GAB3: variants seen among roughly 807,000 people sequenced by gnomAD.
The protein encoded by GAB3 is GRB2-associated-binding protein 3.
GAB3 carries 12 observed loss-of-function variants against 40.4 expected under a neutral mutation model. That is an observed-to-expected ratio of 0.30 (90% CI 0.19 to 0.48). GAB3 has a LOEUF of 0.48. GAB3 is among the 20% of genes least tolerant of loss of function. GAB3 has a pLI of 0.99. For synonymous variants in GAB3, 154 were observed against 176.7 expected, an observed-to-expected ratio of 0.87 and a Z score of 1.02; for missense variants, 381 against 461.9, an observed-to-expected ratio of 0.82 and a Z score of 1.61.
chrX:154,692,221 G>C (rs2070582105), intron 8 of GAB3, among the ~76,000 whole-genome samples: 1 of 111,416 alleles, frequency 9.0e-6, no homozygotes, highest in African/African-American at 3.3e-5. Flanking sequence ...AGAATGAAAA[G>C]ACAACCCACA....
At chrX:154,741,624 C>T (rs1383687531) in intron 1 of GAB3, among the ~76,000 whole-genome samples, 2 of 98,927 alleles carry the variant, frequency 2.0e-5, no homozygotes, top group African/African-American at 3.8e-5. Flanking sequence ...TGCCGTGAGC[C>T]GAGGTCATGT....
chrX:154,706,037 A>G (rs181856012), intron 4 of GAB3, among the ~76,000 whole-genome samples: 40 of 112,042 alleles, frequency 3.6e-4, no homozygotes, highest in African/African-American at 1.3e-3. Context: ...AAGAGGTGAA[A>G]GACCTGTACA....
chrX:154,695,309 A>G (rs2070639722), intron 8 of GAB3, among the ~76,000 whole-genome samples: 2 of 112,138 alleles, frequency 1.8e-5, no homozygotes, highest in Non-Finnish European at 3.8e-5. Flanking sequence ...AATAGAAGGA[A>G]CAACAGGCTA....
intron 4 of GAB3, among the ~76,000 whole-genome samples, chrX:154,711,515 T>A (rs60001847): frequency 9.0e-6 from 1 of 111,322 alleles, no homozygotes; most frequent in Non-Finnish European, 1.9e-5. Context: ...AAGATGGAAC[T>A]GCAAGCAGAA....
chrX:154,696,334 G>T (rs2070658397), intron 7 of GAB3, among the ~76,000 whole-genome samples: 1 of 108,716 alleles, frequency 9.2e-6, no homozygotes, highest in Admixed American at 9.8e-5. Flanking sequence ...ACTCCTTTGG[G>T]GCCTTCTTGT....
intron 8 of GAB3, among the ~76,000 whole-genome samples, chrX:154,693,305 G>A (rs1377199115): frequency 9.0e-6 from 1 of 111,678 alleles, no homozygotes; most frequent in Admixed American, 9.5e-5. Context: ...GTAAAAGAAA[G>A]CATCTAACAG....
At chrX:154,724,342 T>TTAAATAAATAAA (rs782217148) in intron 1 of GAB3, among the ~76,000 whole-genome samples, 7 of 104,810 alleles carry the variant, frequency 6.7e-5, no homozygotes, top group South Asian at 4.3e-4. Flanking sequence ...AGACTTCATC[T>TTAAATAAATAAA]TAAATAAATA....
intron 1 of GAB3, among the ~76,000 whole-genome samples, chrX:154,731,005 G>C (rs182858039): frequency 8.9e-6 from 1 of 112,324 alleles, no homozygotes; most frequent in African/African-American, 3.2e-5. Flanking sequence ...GAAATGTTCA[G>C]CAAAGATAAG....
chrX:154,738,261 G>C lies in GAB3; in HGVS notation c.72+12693C>G, dbSNP rs1242387289. ...GCACGATGTCCAGATGAGCAATGAT[G>C]GTCCTGGAGGAGTTTATTTAGTTCT... On this transcript the variant is annotated intron_variant, in intron 1 of 9. Coordinates refer to ENST00000424127, the MANE Select transcript of GAB3 (RefSeq NM_001081573.3). Among the ~76,000 whole-genome samples, 3 of 112,267 alleles carry C rather than the reference G, an allele frequency of 2.7e-5. No individual in the cohort carries two copies. The Admixed American group carries it at 2.8e-4, about 11-fold the overall frequency.
At chrX:154,725,610 C>T (rs1390457946) in intron 1 of GAB3, among the ~76,000 whole-genome samples, 1 of 110,856 alleles carries the variant, frequency 9.0e-6, no homozygotes, top group African/African-American at 3.3e-5. Context: ...ACAGAGAACA[C>T]AGTTATGTAG....
upstream of GAB3, among the ~76,000 whole-genome samples, chrX:154,751,294 G>A (rs1444333454): frequency 5.6e-5 from 4 of 70,928 alleles, no homozygotes; most frequent in Admixed American, 1.8e-4. Context: ...CGGGGGGGGG[G>A]TGTGGGGGGG....
chrX:154,704,190 A>C lies in GAB3; in HGVS notation c.1070-4131T>G, dbSNP rs782264573. Among the ~76,000 whole-genome samples the C allele has an allele frequency of 2.7e-3, 300 of 109,794 alleles. 1 individual carries two copies. The highest frequency in any genetic ancestry group is 9.8e-3 in the African/African-American group (296 of 30,108). On this transcript the variant is annotated intron_variant, in intron 4 of 9. Transcript: ENST00000424127. Reference sequence around the variant, plus strand: ...TCCTCACTTATTTGTGGAATCTAAAAATCAAAACAATTGAACTTATGGGCA... The same window carrying C: ...TCCTCACTTATTTGTGGAATCTAAACATCAAAACAATTGAACTTATGGGCA...
At chrX:154,722,937 G>T (rs984929793) in intron 1 of GAB3, among the ~76,000 whole-genome samples, 4 of 111,356 alleles carry the variant, frequency 3.6e-5, no homozygotes, top group African/African-American at 1.3e-4. Context: ...GGAGGGCAGT[G>T]GTGTGATCTT....
At chrX:154,701,413 T>C (rs1422967796) in intron 4 of GAB3, among the ~76,000 whole-genome samples, 1 of 112,373 alleles carries the variant, frequency 8.9e-6, no homozygotes, top group Admixed American at 9.4e-5. Context: ...ATGTGCCAGA[T>C]AATTTAAGAG....
At chrX:154,693,242 T>A (rs1399074551) in intron 8 of GAB3, among the ~76,000 whole-genome samples, 2 of 111,934 alleles carry the variant, frequency 1.8e-5, no homozygotes, top group African/African-American at 6.5e-5. Flanking sequence ...ACAGGTAAGT[T>A]CATAGAGACA....
At chrX:154,726,695 C>T (rs868944803) in intron 1 of GAB3, among the ~76,000 whole-genome samples, 4 of 111,745 alleles carry the variant, frequency 3.6e-5, no homozygotes, top group Non-Finnish European at 7.5e-5. Context: ...GGCCAAAATG[C>T]AGCTTTTATT....
In GAB3 at chrX:154,697,162, G is replaced by A. The variant is rs2070672095; in HGVS notation, c.1397C>T (p.Ala466Val). Residue 466 changes from alanine (A) to valine (V), a missense_variant, in exon 7 of 10, where the codon GCA becomes GTA. By Grantham distance (64) the Ala-to-Val change is moderately conservative. Coordinates refer to ENST00000424127, the MANE Select transcript of GAB3 (RefSeq NM_001081573.3). ...CACAGTGCGGGTCCTGGTAAGAGAT[G>A]CATGTTCCCGGATGATCGAGAGGTT... ...LRNLSIIREH[A>V]SLTRTRTVPC... 2 of 1,200,453 alleles carry A rather than the reference G, an allele frequency of 1.7e-6. No individual in the cohort carries two copies. Among genetic ancestry groups the A allele is most frequent in the South Asian group, 3.6e-5 (2 of 54,929 alleles).
At chrX:154,746,169 A>G (rs2071527354) in intron 1 of GAB3, among the ~76,000 whole-genome samples, 1 of 111,947 alleles carries the variant, frequency 8.9e-6, no homozygotes, top group African/African-American at 3.2e-5. Flanking sequence ...TTAAGGAAGA[A>G]GGAATACCAA....
rs187680898 is a variant in GAB3 at position 154,727,881 on chromosome X, C to T, written c.73-11552G>A. The stretch of plus-strand genomic sequence containing the variant: ...TTCCTCCTGCACTCAATTCTACTTG[C>T]ACAGTAAAATAAACCTGGCTGGGTT... On this transcript the variant is annotated intron_variant, in intron 1 of 9. Coordinates refer to ENST00000424127, the MANE Select transcript of GAB3 (RefSeq NM_001081573.3). Among the ~76,000 whole-genome samples, 364 of 112,028 alleles carry T rather than the reference C, an allele frequency of 3.2e-3. 1 individual carries two copies. The highest frequency in any genetic ancestry group is 0.011 in the African/African-American group (347 of 30,799).
Sources: allele counts gnomAD v4.1 joint callset (sites outside exome capture counted in the v4.1 genomes callset), GRCh38; gene constraint gnomAD v4.1.1; transcripts MANE v1.5; gene names NCBI Gene and HGNC (gene_info 2026-07-23, HGNC 2026-07-21).